The following SRGAP3 variants were observed in gnomAD, a reference collection of about 807,000 sequenced individuals.
SRGAP3 encodes the protein SLIT-ROBO Rho GTPase-activating protein 3.
In SRGAP3, 39 loss-of-function variants were observed where a neutral mutation model predicts 121.1. The ratio of observed to expected loss-of-function variants is 0.32; its 90% CI spans 0.25 to 0.42. SRGAP3 has a LOEUF of 0.42. SRGAP3 is among the 10% of genes least tolerant of loss of function. The pLI is 1.00. For synonymous variants in SRGAP3, 601 were observed against 570.0 expected, an observed-to-expected ratio of 1.05 and a Z score of -0.77; for missense variants, 1,213 against 1,470.6, an observed-to-expected ratio of 0.82 and a Z score of 2.86.
intron 3 of SRGAP3, among the ~76,000 whole-genome samples, chr3:9,287,125 G>T (rs1269375195): frequency 6.7e-6 from 1 of 150,014 alleles, no homozygotes; most frequent in Non-Finnish European, 1.5e-5. Context: ...CTGATTAGTT[G>T]GGACTACAGG....
chr3:9,138,652 C>G (rs1222634144), intron 1 of SRGAP3, among the ~76,000 whole-genome samples: 4 of 152,172 alleles, frequency 2.6e-5, no homozygotes, highest in Admixed American at 6.5e-5. Flanking sequence ...AAAATCCAAA[C>G]TTTTTGAGCA....
intron 2 of SRGAP3, among the ~76,000 whole-genome samples, chr3:9,105,740 G>GA (rs776398051): frequency 1.1e-4 from 17 of 152,132 alleles, no homozygotes; most frequent in Admixed American, 6.5e-5. Context: ...TGAGACCAGA[G>GA]AAAATCTGTC....
chr3:9,197,608 GTGACAGAC>G (rs202171824), intron 1 of SRGAP3, among the ~76,000 whole-genome samples: 1,624 of 152,284 alleles, frequency 0.011, 31 homozygotes, highest in South Asian at 0.082. Context: ...AACAGATTGG[GTGACAGAC>G]TCCAGAAGAC....
intron 1 of SRGAP3, among the ~76,000 whole-genome samples, chr3:9,183,903 C>T (rs1443904694): frequency 2.0e-5 from 3 of 152,012 alleles, no homozygotes; most frequent in African/African-American, 7.2e-5. Flanking sequence ...CAATCCTCTG[C>T]GGCTTGCCTC....
chr3:9,343,001 T>C (rs1955819640), intron 1 of SRGAP3, among the ~76,000 whole-genome samples: 1 of 152,266 alleles, frequency 6.6e-6, no homozygotes, highest in African/African-American at 2.4e-5. Context: ...CCATGCCTCT[T>C]CGATCTTCTC....
At chr3:8,987,878 C>T (rs995787855) in intron 21 of SRGAP3, among the ~76,000 whole-genome samples, 16 of 152,274 alleles carry the variant, frequency 1.1e-4, no homozygotes, top group Admixed American at 7.8e-4. Context: ...GGAGCCGAGC[C>T]GCCCTATCAT....
At chr3:9,222,463 A>AT (rs1342967969) in intron 1 of SRGAP3, among the ~76,000 whole-genome samples, 2 of 152,172 alleles carry the variant, frequency 1.3e-5, no homozygotes, top group Non-Finnish European at 2.9e-5. Context: ...AAATCCATGT[A>AT]TTTCTACTAC....
At chr3:9,250,135 C>T (rs1290327522), upstream of SRGAP3, among the ~76,000 whole-genome samples, 1 of 152,176 alleles carries the variant, frequency 6.6e-6, no homozygotes, top group Admixed American at 6.5e-5. Flanking sequence ...GGGTCATTGG[C>T]TTGTGGGGCT....
At chr3:9,152,860 T>TATAACTTGC (rs1381445808) in intron 1 of SRGAP3, among the ~76,000 whole-genome samples, 1 of 151,932 alleles carries the variant, frequency 6.6e-6, no homozygotes, top group South Asian at 2.1e-4. Flanking sequence ...AACATGAGGG[T>TATAACTTGC]ATAACTTGGG....
intron 3 of SRGAP3, among the ~76,000 whole-genome samples, chr3:9,300,150 T>TCAC: frequency 1.1e-3 from 1 of 916 alleles, no homozygotes; most frequent in African/African-American, 3.5e-3. Context: ...GCCACCATCG[T>TCAC]CACCACCACC....
rs193179981 is a variant in SRGAP3, at chr3:9,289,778, G to A, written n.442+36232C>T. 8.5e-4 allele frequency among the ~76,000 whole-genome samples: 129 copies of A among 152,138 alleles called. 1 individual carries two copies. The highest frequency in any genetic ancestry group is 2.9e-3 in the African/African-American group (121 of 41,510). On this transcript the variant is annotated intron_variant and non_coding_transcript_variant, in intron 3 of 3. Coordinates refer to the SRGAP3 transcript ENST00000490889. ...TTCTGGGCTTCATCTTCTGTCTCCC[G>A]TAACTGAGACAATGAAAAAAACCAA...
At chr3:9,178,497 T>C (rs547657257) in intron 1 of SRGAP3, among the ~76,000 whole-genome samples, 1 of 152,316 alleles carries the variant, frequency 6.6e-6, no homozygotes, top group South Asian at 2.1e-4. Flanking sequence ...AAATGCCTGA[T>C]TCCAGCCAGT....
At chr3:9,289,874 G>A (rs1954843074) in intron 3 of SRGAP3, among the ~76,000 whole-genome samples, 1 of 152,170 alleles carries the variant, frequency 6.6e-6, no homozygotes, top group South Asian at 2.1e-4. Context: ...TTGGGAGGCT[G>A]AGGCAGGCAG....
chr3:9,181,124 C>CATA (rs761413347), intron 1 of SRGAP3, among the ~76,000 whole-genome samples: 3 of 152,138 alleles, frequency 2.0e-5, no homozygotes, highest in Non-Finnish European at 4.4e-5. Flanking sequence ...AAATAAGAAG[C>CATA]ATAATATACC....
intron 2 of SRGAP3, among the ~76,000 whole-genome samples, chr3:9,121,332 G>A (rs1456641586): frequency 1.3e-5 from 2 of 152,182 alleles, no homozygotes; most frequent in African/African-American, 2.4e-5. Flanking sequence ...TCTTTACGAC[G>A]GTGAGACAAG....
chr3:9,342,592 G>A (rs762864345), intron 1 of SRGAP3, among the ~76,000 whole-genome samples: 78 of 152,282 alleles, frequency 5.1e-4, no homozygotes, highest in Non-Finnish European at 8.5e-4. Flanking sequence ...TGGTCTCTCT[G>A]ACCATCTTGT....
At chr3:9,339,180 C>A (rs781491995) in intron 1 of SRGAP3, among the ~76,000 whole-genome samples, 1 of 152,148 alleles carries the variant, frequency 6.6e-6, no homozygotes, top group Non-Finnish European at 1.5e-5. Flanking sequence ...CTGCCCTGGG[C>A]CTTGGTTTTC....
intron 1 of SRGAP3, among the ~76,000 whole-genome samples, chr3:9,179,875 A>G (rs1951316924): frequency 6.6e-6 from 1 of 152,250 alleles, no homozygotes; most frequent in Admixed American, 6.5e-5. Context: ...CAAGGCTTGC[A>G]CACCCACTTT....
chr3:9,331,559 C>T (rs1003418890), intron 1 of SRGAP3, among the ~76,000 whole-genome samples: 44 of 152,348 alleles, frequency 2.9e-4, no homozygotes, highest in African/African-American at 1.0e-3. Context: ...CGATAACTAG[C>T]CACATGGTAG....
Sources: gnomAD v4.1 joint callset for allele counts (sites outside exome capture counted in the v4.1 genomes callset) on GRCh38, gnomAD v4.1.1 for gene constraint, MANE v1.5 for transcripts, NCBI Gene and HGNC (gene_info 2026-07-23, HGNC 2026-07-21) for gene names.